The following CDH12 variants were observed in gnomAD, a reference collection of about 807,000 sequenced individuals.
The protein encoded by CDH12 is cadherin-12.
A neutral mutation model predicts 74.1 loss-of-function variants in CDH12; 41 were observed. The observed-to-expected ratio is 0.55, with a 90% CI of 0.43 to 0.72. The LOEUF (loss-of-function observed/expected upper bound fraction) is 0.72, where lower values mean the gene tolerates loss of function less well. Ranked by LOEUF, CDH12 falls within the 30% of genes least tolerant of loss-of-function variation. The pLI is 0.00. For missense variants in CDH12, 945 were observed against 977.2 expected, an observed-to-expected ratio of 0.97 and a Z score of 0.44; for synonymous variants, 399 against 355.0, an observed-to-expected ratio of 1.12 and a Z score of -1.39.
intron 3 of CDH12, among the ~76,000 whole-genome samples, chr5:22,294,339 A>C (rs1046749493): frequency 2.0e-5 from 3 of 152,172 alleles, no homozygotes; most frequent in Non-Finnish European, 4.4e-5. Context: ...TTAGAATAAA[A>C]CATTTAACAG....
chr5:21,831,647 G>A (rs953615504), intron 8 of CDH12, among the ~76,000 whole-genome samples: 24 of 151,886 alleles, frequency 1.6e-4, no homozygotes, highest in African/African-American at 5.1e-4. Flanking sequence ...CAGAGGCCTA[G>A]ATGTTTTGTT....
intron 1 of CDH12, among the ~76,000 whole-genome samples, chr5:22,672,114 A>AAT (rs35149309): frequency 0.74 from 102,460 of 138,152 alleles, 38,794 homozygotes; most frequent in African/African-American, 0.88. Flanking sequence ...ATTATATATA[A>AAT]ATATATATTA....
chr5:22,574,073 C>CTTTTTTTTTTTTTTTTTTTT, intron 1 of CDH12, among the ~76,000 whole-genome samples: 1 of 87,442 alleles, frequency 1.1e-5, no homozygotes, highest in East Asian at 3.4e-4. Context: ...GTCTCTCTCT[C>CTTTTTTTTTTTTTTTTTTTT]TTTTTTTTTT....
intron 4 of CDH12, among the ~76,000 whole-genome samples, chr5:22,195,519 T>C (rs1750567480): frequency 6.6e-6 from 1 of 152,232 alleles, no homozygotes; most frequent in African/African-American, 2.4e-5. Flanking sequence ...GTAACACTGT[T>C]AAGGTTGGAA....
chr5:22,557,386 C>G (rs1325046196), intron 1 of CDH12, among the ~76,000 whole-genome samples: 1 of 151,976 alleles, frequency 6.6e-6, no homozygotes, highest in East Asian at 1.9e-4. Context: ...AAGGCATCAC[C>G]AAGGAGGTCT....
intron 2 of CDH12, among the ~76,000 whole-genome samples, chr5:22,441,988 G>A (rs934492111): frequency 7.2e-5 from 11 of 152,128 alleles, no homozygotes. Flanking sequence ...ACAAGCATGA[G>A]CCATGGAGCG....
chr5:22,121,263 G>A (rs898736409), intron 4 of CDH12, among the ~76,000 whole-genome samples: 2 of 152,134 alleles, frequency 1.3e-5, no homozygotes, highest in Non-Finnish European at 2.9e-5. Flanking sequence ...AAATGGCCTT[G>A]GAAGATAGAG....
At position 21,808,417 on chromosome 5, in the gene CDH12, T is replaced by C. The variant is rs541925455; in HGVS notation, c.1003-5997A>G. Among the ~76,000 whole-genome samples the C allele has an allele frequency of 7.2e-5, 11 of 151,944 alleles. No homozygotes were observed. In the East Asian group the frequency reaches 2.1e-3, roughly 29 times the overall value. On this transcript the variant is annotated intron_variant, in intron 9 of 14. Coordinates refer to ENST00000382254, the MANE Select transcript of CDH12 (RefSeq NM_004061.5). ...AGTAAAGCCATCACTTTTAGGAAAA[T>C]ATATCCTTGAGTGATAAGGCTCTAC... is the stretch of plus-strand genomic sequence containing the variant.
chr5:22,303,747 C>A (rs1248217338), intron 3 of CDH12, among the ~76,000 whole-genome samples: 1 of 152,040 alleles, frequency 6.6e-6, no homozygotes, highest in African/African-American at 2.4e-5. Flanking sequence ...CATTTTTGAG[C>A]TAGACAATAT....
chr5:21,979,486 T>A (rs1757214997), intron 5 of CDH12, among the ~76,000 whole-genome samples: 1 of 152,162 alleles, frequency 6.6e-6, no homozygotes, highest in Non-Finnish European at 1.5e-5. Context: ...AATCTTTCAT[T>A]CCAGCGCTTA....
chr5:22,192,783 GTGATAAGGTTATATT>G (rs1750384292), intron 4 of CDH12, among the ~76,000 whole-genome samples: 1 of 152,240 alleles, frequency 6.6e-6, no homozygotes, highest in Admixed American at 6.5e-5. Context: ...ATGTAGGTAA[GTGATAAGGTTATATT>G]TGTATTTGAA....
chr5:22,240,616 CTCTGCCTCCCAGCTTCAACTGAT>C (rs1752713737), intron 3 of CDH12, among the ~76,000 whole-genome samples: 1 of 152,168 alleles, frequency 6.6e-6, no homozygotes. Flanking sequence ...TCACTGCAAC[CTCTGCCTCCCAGCTTCAACTGAT>C]TCTCCAGCCT....
intron 4 of CDH12, among the ~76,000 whole-genome samples, chr5:22,145,203 T>C (rs1747080539): frequency 6.6e-6 from 1 of 152,128 alleles, no homozygotes; most frequent in Non-Finnish European, 1.5e-5. Context: ...CAAAATCACA[T>C]ATATGCAATT....
chr5:22,327,390 C>T (rs1739159339), intron 3 of CDH12, among the ~76,000 whole-genome samples: 1 of 151,026 alleles, frequency 6.6e-6, no homozygotes, highest in Non-Finnish European at 1.5e-5. Flanking sequence ...TGGCAGCTTA[C>T]CATGAGAGCC....
intron 1 of CDH12, among the ~76,000 whole-genome samples, chr5:22,785,519 TTG>T (rs1561029257): frequency 7.9e-5 from 12 of 152,152 alleles, no homozygotes; most frequent in Non-Finnish European, 2.9e-5. Flanking sequence ...TGGTGGTTTT[TTG>T]TTTTATTTAT....
chr5:22,513,763 C>T (rs1407167983), intron 1 of CDH12, among the ~76,000 whole-genome samples: 5 of 151,726 alleles, frequency 3.3e-5, no homozygotes, highest in African/African-American at 9.7e-5. Context: ...CTAGCCAACA[C>T]GGTGAAACCC....
chr5:22,384,624 T>A (rs1741923780), intron 3 of CDH12, among the ~76,000 whole-genome samples: 1 of 151,804 alleles, frequency 6.6e-6, no homozygotes, highest in African/African-American at 2.4e-5. Flanking sequence ...TGCTTGGCAA[T>A]GGCTTATGTT....
chr5:22,235,898 C>T (rs535800206), intron 3 of CDH12, among the ~76,000 whole-genome samples: 1 of 152,314 alleles, frequency 6.6e-6, no homozygotes, highest in East Asian at 1.9e-4. Flanking sequence ...TAGCATACTA[C>T]ACACCTGGGC....
chr5:22,393,136 G>A (rs1033419566), intron 3 of CDH12, among the ~76,000 whole-genome samples: 1 of 152,086 alleles, frequency 6.6e-6, no homozygotes, highest in East Asian at 1.9e-4. Context: ...AGATCACCCC[G>A]GATGATTTGA....
Sources: gnomAD v4.1 joint callset for allele counts (sites outside exome capture counted in the v4.1 genomes callset) on GRCh38, gnomAD v4.1.1 for gene constraint, MANE v1.5 for transcripts, NCBI Gene and HGNC (gene_info 2026-07-23, HGNC 2026-07-21) for gene names.